The following TKTL2 variants were observed in gnomAD, a reference collection of about 807,000 sequenced individuals.
TKTL2 encodes the protein transketolase like 2, also known as transketolase-like protein 2.
For synonymous variants in TKTL2, 259 were observed against 294.1 expected, an observed-to-expected ratio of 0.88 and a Z score of 1.22; for missense variants, 825 against 799.4, an observed-to-expected ratio of 1.03 and a Z score of -0.39.
At position 163,472,984 on chromosome 4, in the gene TKTL2, C is replaced by A; in HGVS notation, c.751G>T (p.Gly251Cys). The change falls in exon 1 of 1, where the codon GGT becomes TGT. Residue 251 changes from glycine to cysteine, a missense_variant. Transcript: ENST00000280605. ...TCTGCATCCTCAATATTTGGAATAC[C>A]CCGACCTTTGAAGGTCTTGGCAACT... is the stretch of plus-strand genomic sequence containing the variant. ...AIVAKTFKGRGIPNIEDAENW... is the reference protein window; with the variant it reads ...AIVAKTFKGRCIPNIEDAENW... 6.2e-7 allele frequency: 1 copy of A among 1,614,074 alleles called. No individual in the cohort carries two copies. The highest frequency in any genetic ancestry group is 8.5e-7 in the Non-Finnish European group (1 of 1,180,022).
rs748220380 is a variant in TKTL2, at chr4:163,473,133, T to G, written c.602A>C (p.Asp201Ala). ...SGPAPLEHGA[D>A]IYQNCCEAFG... ...GGCTTCACAGCAATTCTGGTAGATG[T>G]CTGCGCCATGCTCAAGGGGTGCAGG... Residue 201 changes from aspartate (D) to alanine (A), a missense_variant, in exon 1 of 1, where the codon GAC becomes GCC. Asp to Ala is a moderately radical substitution (Grantham distance 126, BLOSUM62 -2). Coordinates refer to ENST00000280605, the MANE Select transcript of TKTL2 (RefSeq NM_032136.5). 6 of 1,613,900 alleles carry G rather than the reference T, an allele frequency of 3.7e-6. No homozygotes were observed. The highest frequency in any genetic ancestry group is 5.1e-6 in the Non-Finnish European group (6 of 1,180,026).
In TKTL2 at chr4:163,472,632, A is replaced by G. The variant is rs747916512; in HGVS notation, c.1103T>C (p.Ile368Thr). 2 of 1,614,110 alleles carry G rather than the reference A, an allele frequency of 1.2e-6. No individual in the cohort carries two copies. The highest frequency in any genetic ancestry group is 1.7e-6 in the Non-Finnish European group (2 of 1,180,052). The change falls in exon 1 of 1, where the codon ATT (isoleucine) becomes ACT (threonine). Residue 368 changes from isoleucine to threonine, a missense_variant. Transcript: ENST00000280605. ...CACACTTACCATGTTTTGTTCAGCA[A>G]TAATACACTCTATGAAACGCTCAGG... ...EHPERFIECI[I>T]AEQNMVSVAL...
Position 163,473,573 on chromosome 4 carries a change from G to A in TKTL2, c.162C>T (p.Phe54=). The part of the protein sequence containing the change: ...SAAEVVSVLF[F]HTMKYKQTDP... ...CTGTCTGTTTATACTTCATCGTGTG[G>A]AAGAAGAGGACAGACACGACCTCCG... The change falls in exon 1 of 1, where the codon TTC becomes TTT. Residue 54 remains phenylalanine (F), a synonymous_variant. Coordinates refer to ENST00000280605, the MANE Select transcript of TKTL2 (RefSeq NM_032136.5). The A allele has an allele frequency of 3.1e-6, 5 of 1,614,134 alleles. No individual in the cohort carries two copies. The highest frequency in any genetic ancestry group is 4.2e-6 in the Non-Finnish European group (5 of 1,180,018).
Position 163,472,759 on chromosome 4 carries a change from C to G in TKTL2, c.976G>C (p.Gly326Arg). 1 of 1,585,940 alleles carries G rather than the reference C, an allele frequency of 6.3e-7. No individual in the cohort carries two copies. The highest frequency in any genetic ancestry group is 8.6e-7 in the Non-Finnish European group (1 of 1,166,632). ...CGGCCCAGTTTAGCCAGAGCCAAAC[C>G]ATATGTTTTCTGAGTAGCTATCTTG... ...GDKIATQKTY[G>R]LALAKLGRAN... Residue 326 changes from glycine to arginine, a missense_variant, in exon 1 of 1, where the codon GGT becomes CGT. Physicochemically the swap from Gly to Arg is moderately radical, Grantham distance 125. Coordinates refer to ENST00000280605, the MANE Select transcript of TKTL2 (RefSeq NM_032136.5).
rs1210193653 is a variant in TKTL2 at position 163,471,257 on chromosome 4, A to C, written c.*597T>G. On this transcript the variant is annotated 3_prime_UTR_variant, in exon 1 of 1. Transcript: ENST00000280605. Reference sequence around the variant, plus strand: ...AACTAGAACCAGTTATACTTTCATCACTTCACAGAACACAAGTAGTGTGGT... The same window carrying C: ...AACTAGAACCAGTTATACTTTCATCCCTTCACAGAACACAAGTAGTGTGGT... 1 of 152,230 alleles carries C rather than the reference A, an allele frequency of 6.6e-6. No individual in the cohort carries two copies. Among genetic ancestry groups the C allele is most frequent in the East Asian group, 1.9e-4 (1 of 5,204 alleles). 9.4% of individuals were successfully genotyped at this position (152,230 alleles called of 1,614,324 possible).
Position 163,472,913 on chromosome 4 carries a change from A to C in TKTL2, c.822T>G (p.Ile274Met). 6.2e-7 allele frequency: 1 copy of C among 1,613,048 alleles called. No individual in the cohort carries two copies. Among genetic ancestry groups the C allele is most frequent in the Non-Finnish European group, 8.5e-7 (1 of 1,179,648 alleles). Residue 274 changes from isoleucine to methionine, a missense_variant, in exon 1 of 1, where the codon ATT becomes ATG. Coordinates refer to ENST00000280605, the MANE Select transcript of TKTL2 (RefSeq NM_032136.5). Reference protein sequence around the residue: ...KPVPKERADAIVKLIESQIQT... With the variant: ...KPVPKERADAMVKLIESQIQT... ...GTATCTGACTCTCAATTAATTTGACAATTGCATCTGCTCTTTCTTTTGGCA... is the reference window on the plus strand; with the variant it reads ...GTATCTGACTCTCAATTAATTTGACCATTGCATCTGCTCTTTCTTTTGGCA...
chr4:163,472,760 A>G lies in TKTL2; in HGVS notation c.975T>C (p.Tyr325=). Residue 325 remains tyrosine, a synonymous_variant, in exon 1 of 1, where the codon TAT becomes TAC. Coordinates refer to ENST00000280605, the MANE Select transcript of TKTL2 (RefSeq NM_032136.5). ...VGDKIATQKT[Y]GLALAKLGRA... The stretch of plus-strand genomic sequence containing the variant: ...GGCCCAGTTTAGCCAGAGCCAAACC[A>G]TATGTTTTCTGAGTAGCTATCTTGT... 3 of 1,586,012 alleles carry G rather than the reference A, an allele frequency of 1.9e-6. No homozygotes were observed. Among genetic ancestry groups the G allele is most frequent in the African/African-American group, 1.3e-5 (1 of 74,162 alleles).
At position 163,472,238 on chromosome 4, in the gene TKTL2, G is replaced by T; in HGVS notation, c.1497C>A (p.Val499=). The part of the protein sequence containing the change: ...ENFEIGQAKV[V]RHGVNDKVTV... ...TGACTTTATCATTGACACCGTGGCG[G>T]ACCACCTTGGCCTGGCCAATCTCAA... The change falls in exon 1 of 1, where the codon GTC becomes GTA. Residue 499 remains valine (V), a synonymous_variant. Coordinates refer to ENST00000280605, the MANE Select transcript of TKTL2 (RefSeq NM_032136.5). 4.3e-6 allele frequency: 7 copies of T among 1,614,056 alleles called. No individual in the cohort carries two copies. The highest frequency in any genetic ancestry group is 1.1e-5 in the South Asian group (1 of 91,044).
At position 163,471,875 on chromosome 4, in the gene TKTL2, T is replaced by C; in HGVS notation, c.1860A>G (p.Val620=). The change falls in exon 1 of 1, where the codon GTA becomes GTG. Residue 620 remains valine (V), a synonymous_variant. Coordinates refer to ENST00000280605, the MANE Select transcript of TKTL2 (RefSeq NM_032136.5). ...GISTRHIIAA[V]TLTLMK ...TAGTTTACTTCATTAAAGTAAGTGT[T>C]ACGGCTGCTATAATGTGTCTGGTAC... is the stretch of plus-strand genomic sequence containing the variant. The C allele has an allele frequency of 6.6e-7, 1 of 1,525,820 alleles. No homozygotes were observed. The highest frequency in any genetic ancestry group is 1.3e-5 in the South Asian group (1 of 76,130). 94.5% of individuals were successfully genotyped at this position (1,525,820 alleles called of 1,614,324 possible).
At position 163,473,513 on chromosome 4, in the gene TKTL2, G is replaced by A. The variant is rs1201077251; in HGVS notation, c.222C>T (p.Leu74=). ...PEHPDNDRFI[L]SRGHAAPILY... Reference sequence around the variant, plus strand: ...GGATAGGAGCAGCATGTCCCCTGGAGAGGATGAACCGGTCGTTGTCCGGGT... The same window carrying A: ...GGATAGGAGCAGCATGTCCCCTGGAAAGGATGAACCGGTCGTTGTCCGGGT... Residue 74 remains leucine (L), a synonymous_variant, in exon 1 of 1, where the codon CTC becomes CTT. Coordinates refer to ENST00000280605, the MANE Select transcript of TKTL2 (RefSeq NM_032136.5). 2 of 1,613,892 alleles carry A rather than the reference G, an allele frequency of 1.2e-6. No individual in the cohort carries two copies. Among genetic ancestry groups the A allele is most frequent in the Admixed American group, 1.7e-5 (1 of 59,978 alleles).
In TKTL2 at chr4:163,471,384, T is replaced by G. The variant is rs1737163559; in HGVS notation, c.*470A>C. The G allele has an allele frequency of 6.6e-6, 1 of 152,298 alleles. No individual in the cohort carries two copies. Among genetic ancestry groups the G allele is most frequent in the Non-Finnish European group, 1.5e-5 (1 of 68,118 alleles). 9.4% of individuals were successfully genotyped at this position (152,298 alleles called of 1,614,324 possible). A position where few individuals can be genotyped will look rare whatever the true frequency, so the allele number is the denominator to read the frequency against. ...TTCCAAGGCAACTGCAGTCAAACAT[T>G]ATCTGTAAAACTGCAGGTATAAATG... On this transcript the variant is annotated 3_prime_UTR_variant, in exon 1 of 1. Coordinates refer to ENST00000280605, the MANE Select transcript of TKTL2 (RefSeq NM_032136.5).
chr4:163,473,625 C>T lies in TKTL2; in HGVS notation c.110G>A (p.Gly37Asp), dbSNP rs1239117535. The T allele has an allele frequency of 6.2e-7, 1 of 1,614,174 alleles. No homozygotes were observed. Among genetic ancestry groups the T allele is most frequent in the Non-Finnish European group, 8.5e-7 (1 of 1,180,038 alleles). The change falls in exon 1 of 1, where the codon GGC becomes GAC. Residue 37 changes from glycine (G) to aspartate (D), a missense_variant. Physicochemically the swap from Gly to Asp is moderately conservative, Grantham distance 94 (BLOSUM62 -1). Transcript: ENST00000280605. ...TGCACTGCAGCACGACGTGAGCTGG[C>T]CAGAACCAGAGGCACACGTGGCCCT... Reference protein sequence around the residue: ...SIRATCASGSGQLTSCCSAAE... With the variant: ...SIRATCASGSDQLTSCCSAAE...
In TKTL2 at chr4:163,472,410, C is replaced by T. The variant is rs3811750; in HGVS notation, c.1325G>A (p.Arg442Gln). The stretch of plus-strand genomic sequence containing the variant: ...GAAAACAGTACAATTGGGAATGCTT[C>T]GGAACATGGCTAGATCCTCCAGGGC... ...QMALEDLAMF[R>Q]SIPNCTVFYP... The change falls in exon 1 of 1, where the codon CGA becomes CAA. Residue 442 changes from arginine to glutamine, a missense_variant. By Grantham distance (43) the Arg-to-Gln change is conservative (BLOSUM62 1). Coordinates refer to ENST00000280605, the MANE Select transcript of TKTL2 (RefSeq NM_032136.5). 6.8e-5 allele frequency: 110 copies of T among 1,611,498 alleles called. No individual in the cohort carries two copies. In the East Asian group the frequency reaches 2.2e-3, roughly 33 times the overall value.
rs747146962 is a variant in TKTL2 at position 163,473,175 on chromosome 4, C to G, written c.560G>C (p.Arg187Pro). Reference sequence around the variant, plus strand: ...GGGTGCAGGGCCACTTTGTCCCAAGCGGTTCACGTCGAAGACCGCCACGAG... The same window carrying G: ...GGGTGCAGGGCCACTTTGTCCCAAGGGGTTCACGTCGAAGACCGCCACGAG... ...DNLVAVFDVN[R>P]LGQSGPAPLE... is the part of the protein sequence containing the mutation. Residue 187 changes from arginine to proline, a missense_variant, in exon 1 of 1, where the codon CGC becomes CCC. By Grantham distance (103) the Arg-to-Pro change is moderately radical. Transcript: ENST00000280605. 6.2e-7 allele frequency: 1 copy of G among 1,613,536 alleles called. No homozygotes were observed. The highest frequency in any genetic ancestry group is 8.5e-7 in the Non-Finnish European group (1 of 1,179,968).
At position 163,473,531 on chromosome 4, in the gene TKTL2, G is replaced by A. The variant is rs766693513; in HGVS notation, c.204C>T (p.Asp68=). ...CCCTGGAGAGGATGAACCGGTCGTT[G>A]TCCGGGTGTTCTGGGTCTGTCTGTT... ...KYKQTDPEHP[D]NDRFILSRGH... The change falls in exon 1 of 1, where the codon GAC becomes GAT. Residue 68 remains aspartate, a synonymous_variant. Coordinates refer to ENST00000280605, the MANE Select transcript of TKTL2 (RefSeq NM_032136.5). 6.0e-5 allele frequency: 97 copies of A among 1,613,894 alleles called. No individual in the cohort carries two copies. Among genetic ancestry groups the A allele is most frequent in the Non-Finnish European group, 5.5e-5 (65 of 1,180,018 alleles).
chr4:163,473,263 C>G lies in TKTL2; in HGVS notation c.472G>C (p.Glu158Gln), dbSNP rs138835887. The change falls in exon 1 of 1, where the codon GAA becomes CAA. Residue 158 changes from glutamate to glutamine, a missense_variant. By Grantham distance (29) the Glu-to-Gln change is conservative. Transcript: ENST00000280605. ...TCCCACACAGAGCCTTCTGAGGATTCGCCATCTCCCATAAGGCAGAACACC... is the reference window on the plus strand; with the variant it reads ...TCCCACACAGAGCCTTCTGAGGATTGGCCATCTCCCATAAGGCAGAACACC... ...YRVFCLMGDG[E>Q]SSEGSVWEAF... 22 of 1,613,866 alleles carry G rather than the reference C, an allele frequency of 1.4e-5. No homozygotes were observed. The highest frequency in any genetic ancestry group is 1.8e-5 in the Non-Finnish European group (21 of 1,180,006).
rs775400447 is a variant in TKTL2 at position 163,472,481 on chromosome 4, A to G, written c.1254T>C (p.Gly418=). The G allele has an allele frequency of 5.0e-6, 8 of 1,614,014 alleles. No homozygotes were observed. In the Admixed American group the frequency reaches 8.3e-5, roughly 17 times the overall value. ...AISQANINLI[G]SHCGVSTGED... ...CTCCAGTGGATACCCCACAGTGGGAACCAATAAGGTTGATATTGGCTTGAG... is the reference window on the plus strand; with the variant it reads ...CTCCAGTGGATACCCCACAGTGGGAGCCAATAAGGTTGATATTGGCTTGAG... Residue 418 remains glycine (G), a synonymous_variant, in exon 1 of 1, where the codon GGT becomes GGC. Transcript: ENST00000280605.
chr4:163,473,613 G>A lies in TKTL2; in HGVS notation c.122C>T (p.Ser41Leu). Residue 41 changes from serine to leucine, a missense_variant, in exon 1 of 1, where the codon TCG becomes TTG. Physicochemically the swap from Ser to Leu is moderately radical, Grantham distance 145. Transcript: ENST00000280605. Reference sequence around the variant, plus strand: ...CACGACCTCCGCTGCACTGCAGCACGACGTGAGCTGGCCAGAACCAGAGGC... The same window carrying A: ...CACGACCTCCGCTGCACTGCAGCACAACGTGAGCTGGCCAGAACCAGAGGC... ...TCASGSGQLTSCCSAAEVVSV... is the reference protein window; with the variant it reads ...TCASGSGQLTLCCSAAEVVSV... The A allele has an allele frequency of 1.2e-6, 2 of 1,614,204 alleles. No homozygotes were observed. The highest frequency in any genetic ancestry group is 1.6e-4 in the Middle Eastern group (1 of 6,062).
chr4:163,473,125 G>C lies in TKTL2; in HGVS notation c.610C>G (p.Gln204Glu), dbSNP rs773443422. 9.9e-6 allele frequency: 16 copies of C among 1,614,018 alleles called. No homozygotes were observed. The South Asian group carries it at 1.8e-4, about 18-fold the overall frequency. ...CATCCAAAGGCTTCACAGCAATTCT[G>C]GTAGATGTCTGCGCCATGCTCAAGG... is the stretch of plus-strand genomic sequence containing the variant. ...APLEHGADIY[Q>E]NCCEAFGWNT... is the part of the protein sequence containing the mutation. Residue 204 changes from glutamine to glutamate, a missense_variant, in exon 1 of 1, where the codon CAG becomes GAG. Transcript: ENST00000280605.
Sources: gnomAD v4.1 joint callset for allele counts on GRCh38, gnomAD v4.1.1 for gene constraint, MANE v1.5 for transcripts, NCBI Gene and HGNC (gene_info 2026-07-23, HGNC 2026-07-21) for gene names.